Variants in CMTM3 observed in about 807,000 individuals in gnomAD.
CMTM3 encodes the protein CKLF-like MARVEL transmembrane domain-containing protein 3.
Under a neutral mutation model 18.2 loss-of-function variants are expected in CMTM3, and 7 were observed. The observed-to-expected ratio is 0.38, with a 90% CI of 0.22 to 0.72. The LOEUF (loss-of-function observed/expected upper bound fraction) is 0.72. CMTM3 is among the 30% of genes least tolerant of loss of function. The pLI, the probability that CMTM3 is intolerant of heterozygous loss-of-function variation, is 0.46. For missense variants in CMTM3, 227 were observed against 249.2 expected, an observed-to-expected ratio of 0.91 and a Z score of 0.60; for synonymous variants, 109 against 111.2, an observed-to-expected ratio of 0.98 and a Z score of 0.12.
chr16:66,610,110 A>G lies in CMTM3; in HGVS notation c.520+107A>G. 4.2e-6 allele frequency: 6 copies of G among 1,425,052 alleles called. No homozygotes were observed. Among genetic ancestry groups the G allele is most frequent in the South Asian group, 1.3e-5 (1 of 79,424 alleles). The allele number at this position is 1,425,052 out of a possible 1,614,324, so 88.3% of individuals were successfully genotyped here. On this transcript the variant is annotated intron_variant, in intron 4 of 4. Coordinates refer to ENST00000567572, the MANE Select transcript of CMTM3 (RefSeq NM_181553.4). This position sits in a 1 kb window ranked among gnomAD's most constrained non-coding sequence, Gnocchi z 4.6. ...GGGTGGGATCATTTCCTCTCTCCCC[A>G]TGGCAGGAAGTGTTTTCACAGCCCA...
Position 66,609,460 on chromosome 16 carries a change from C to A in CMTM3, c.329C>A (p.Ala110Asp). 1 of 1,612,996 alleles carries A rather than the reference C, an allele frequency of 6.2e-7. No homozygotes were observed. The highest frequency in any genetic ancestry group is 1.7e-5 in the Admixed American group (1 of 59,906). Residue 110 changes from alanine to aspartate, a missense_variant, in exon 3 of 5, where the codon GCC becomes GAC. Ala to Asp is a moderately radical substitution (Grantham distance 126). Transcript: ENST00000567572. This position sits in a 1 kb window ranked among gnomAD's most constrained non-coding sequence, Gnocchi z 4.4. ...MMDFLRCVTA[A>D]LIYFAISITA... The stretch of plus-strand genomic sequence containing the variant: ...GACTTCCTGCGCTGTGTCACCGCGG[C>A]CCTCATCTACTTTGCTATCTCCATC...
In CMTM3 at chr16:66,609,464, C is replaced by T. The variant is rs765724187; in HGVS notation, c.333C>T (p.Leu111=). The change falls in exon 3 of 5, where the codon CTC becomes CTT. Residue 111 remains leucine, a synonymous_variant. Transcript: ENST00000567572. This position sits in a 1 kb window ranked among gnomAD's most constrained non-coding sequence, Gnocchi z 4.4. Reference sequence around the variant, plus strand: ...TCCTGCGCTGTGTCACCGCGGCCCTCATCTACTTTGCTATCTCCATCACGG... The same window carrying T: ...TCCTGCGCTGTGTCACCGCGGCCCTTATCTACTTTGCTATCTCCATCACGG... ...MDFLRCVTAA[L]IYFAISITAI... is the part of the protein sequence containing the mutation. 1.8e-5 allele frequency: 29 copies of T among 1,612,928 alleles called. No individual in the cohort carries two copies. The highest frequency in any genetic ancestry group is 2.2e-5 in the Non-Finnish European group (26 of 1,179,648).
chr16:66,610,236 T>C lies in CMTM3; in HGVS notation c.520+233T>C, dbSNP rs2144750721. On this transcript the variant is annotated intron_variant, in intron 4 of 4. Coordinates refer to ENST00000567572, the MANE Select transcript of CMTM3 (RefSeq NM_181553.4). This position sits in a 1 kb window ranked among gnomAD's most constrained non-coding sequence, Gnocchi z 4.6. ...AGGAGGGGCAAGCAGTGGGCATGGC[T>C]GAGCCTCAGGCCAGGCCGGCAAGTC... 6.6e-6 allele frequency among the ~76,000 whole-genome samples: 1 copy of C among 152,272 alleles called. No homozygotes were observed. The highest frequency in any genetic ancestry group is 2.1e-4 in the South Asian group (1 of 4,826).
Position 66,607,076 on chromosome 16 carries a change from CAG to C in CMTM3, c.148-1230_148-1229del, listed in dbSNP as rs1339378580. Among the ~76,000 whole-genome samples, 4 of 152,214 alleles carry C rather than the reference CAG, an allele frequency of 2.6e-5. No individual in the cohort carries two copies. The East Asian group carries it at 5.8e-4, about 22-fold the overall frequency. On this transcript the variant is annotated intron_variant, in intron 1 of 4. Coordinates refer to ENST00000567572, the MANE Select transcript of CMTM3 (RefSeq NM_181553.4). The stretch of plus-strand genomic sequence containing the variant: ...TAGTAGCCTCTGATTAGCCATGTGA[CAG>C]AGTCTTCTCATCTGTCAAGTGGGGC...
chr16:66,609,605 G>A lies in CMTM3; in HGVS notation c.399+75G>A. 6.6e-7 allele frequency: 1 copy of A among 1,522,390 alleles called. No individual in the cohort carries two copies. Among genetic ancestry groups the A allele is most frequent in the Non-Finnish European group, 8.9e-7 (1 of 1,123,762 alleles). The allele number at this position is 1,522,390 out of a possible 1,614,324, so 94.3% of individuals were successfully genotyped here. On this transcript the variant is annotated intron_variant, in intron 3 of 4. Coordinates refer to ENST00000567572, the MANE Select transcript of CMTM3 (RefSeq NM_181553.4). This position sits in a 1 kb window ranked among gnomAD's most constrained non-coding sequence, Gnocchi z 4.4. ...CTCATTTAGGGTGGGACCTGGGGCA[G>A]AGCCTTTCCCTGCTGGGGCCCCCCT...
rs1431114505 is a variant in CMTM3, at chr16:66,612,746, G to A, written c.*109G>A. 1 of 1,096,454 alleles carries A rather than the reference G, an allele frequency of 9.1e-7. No individual in the cohort carries two copies. The highest frequency in any genetic ancestry group is 1.4e-5 in the South Asian group (1 of 72,494). The allele number at this position is 1,096,454 out of a possible 1,614,324, so 67.9% of individuals were successfully genotyped here. A position where few individuals can be genotyped will look rare whatever the true frequency, so the allele number is the denominator to read the frequency against. On this transcript the variant is annotated 3_prime_UTR_variant, in exon 5 of 5. Coordinates refer to ENST00000567572, the MANE Select transcript of CMTM3 (RefSeq NM_181553.4). The surrounding 1 kb of genome is among the most constrained non-coding windows in gnomAD (Gnocchi z 6.0). ...GCCTGGACTTCTGAGTTGCAGAGGGGGCTGCGGACACAGCAGGCCCCCTAC... is the reference window on the plus strand; with the variant it reads ...GCCTGGACTTCTGAGTTGCAGAGGGAGCTGCGGACACAGCAGGCCCCCTAC...
At chr16:66,606,675 C>A (rs532053354) in intron 1 of CMTM3, among the ~76,000 whole-genome samples, 12 of 152,302 alleles carry the variant, frequency 7.9e-5, no homozygotes, top group Non-Finnish European at 1.5e-4. Flanking sequence ...GCCTCCCCAA[C>A]ACCCACAGGG....
chr16:66,612,911 T>A lies in CMTM3; in HGVS notation c.*274T>A. 2 of 621,988 alleles carry A rather than the reference T, an allele frequency of 3.2e-6. No homozygotes were observed. Among genetic ancestry groups the A allele is most frequent in the South Asian group, 3.7e-5 (2 of 54,450 alleles). 38.5% of individuals were successfully genotyped at this position (621,988 alleles called of 1,614,324 possible). A position where few individuals can be genotyped will look rare whatever the true frequency, so the allele number is the denominator to read the frequency against. On this transcript the variant is annotated 3_prime_UTR_variant, in exon 5 of 5. Coordinates refer to ENST00000567572, the MANE Select transcript of CMTM3 (RefSeq NM_181553.4). This position sits in a 1 kb window ranked among gnomAD's most constrained non-coding sequence, Gnocchi z 6.0. ...CCCACAGGCCTTCAGCCCTTTAACG[T>A]CTCTGCCAAAAACCAGCACAAGGAG... is the stretch of plus-strand genomic sequence containing the variant.
At position 66,609,405 on chromosome 16, in the gene CMTM3, G is replaced by T. The variant is rs537078418; in HGVS notation, c.304-30G>T. 2.9e-5 allele frequency: 46 copies of T among 1,594,442 alleles called. No individual in the cohort carries two copies. Among genetic ancestry groups the T allele is most frequent in the Non-Finnish European group, 3.8e-5 (44 of 1,167,184 alleles). ...CCCCATGCTGTGCTCAGCTCCAGGG[G>T]CTCAGGGCAGCATGCCCCTCTCTCC... On this transcript the variant is annotated intron_variant, in intron 2 of 4. Transcript: ENST00000567572. The surrounding 1 kb of genome is among the most constrained non-coding windows in gnomAD (Gnocchi z 4.4).
Position 66,606,529 on chromosome 16 carries a change from T to C in CMTM3, c.147+1577T>C, listed in dbSNP as rs148890798. ...GGGGACCCCCTGGGATCCCTGCAGT[T>C]CATTTGTCTGAAGCAGCCACAGTGC... On this transcript the variant is annotated intron_variant, in intron 1 of 4. Coordinates refer to ENST00000567572, the MANE Select transcript of CMTM3 (RefSeq NM_181553.4). 2.0e-5 allele frequency among the ~76,000 whole-genome samples: 3 copies of C among 152,152 alleles called. No individual in the cohort carries two copies. The East Asian group carries it at 5.8e-4, about 30-fold the overall frequency.
At chr16:66,604,559 G>GA (rs1312367845), upstream of CMTM3, 4 of 316,096 alleles carry the variant, frequency 1.3e-5, no homozygotes, top group African/African-American at 8.8e-5. Context: ...GAAGAAGGTG[G>GA]AGTCTGCGGA....
In CMTM3 at chr16:66,609,156, C is replaced by A. The variant is rs1474974797; in HGVS notation, c.304-279C>A. Among the ~76,000 whole-genome samples the A allele has an allele frequency of 6.6e-6, 1 of 151,726 alleles. No individual in the cohort carries two copies. The highest frequency in any genetic ancestry group is 1.5e-5 in the Non-Finnish European group (1 of 67,896). ...GTGTTTCCAACTTCTGCTTCCACCGCATCGCAGGGCAGGCTGCACCCTGAT... is the reference window on the plus strand; with the variant it reads ...GTGTTTCCAACTTCTGCTTCCACCGAATCGCAGGGCAGGCTGCACCCTGAT... On this transcript the variant is annotated intron_variant, in intron 2 of 4. Transcript: ENST00000567572. This position sits in a 1 kb window ranked among gnomAD's most constrained non-coding sequence, Gnocchi z 4.4.
intron 4 of CMTM3, among the ~76,000 whole-genome samples, chr16:66,611,366 T>A (rs940226418): frequency 9.9e-5 from 15 of 151,706 alleles, no homozygotes; most frequent in South Asian, 2.1e-4. Flanking sequence ...GGCAGGAGAA[T>A]CACCTATGGG....
chr16:66,609,579 CCT>C lies in CMTM3; in HGVS notation c.399+51_399+52del. On this transcript the variant is annotated intron_variant, in intron 3 of 4. Transcript: ENST00000567572. This position sits in a 1 kb window ranked among gnomAD's most constrained non-coding sequence, Gnocchi z 4.4. ...GGAAACTGCAGATGCCCCTCTAGCC[CCT>C]CATTTAGGGTGGGACCTGGGGCAGA... is the stretch of plus-strand genomic sequence containing the variant. The C allele has an allele frequency of 6.5e-7, 1 of 1,543,732 alleles. No homozygotes were observed.
In CMTM3 at chr16:66,609,275, G is replaced by A. The variant is rs146088650; in HGVS notation, c.304-160G>A. On this transcript the variant is annotated intron_variant, in intron 2 of 4. Coordinates refer to ENST00000567572, the MANE Select transcript of CMTM3 (RefSeq NM_181553.4). This position sits in a 1 kb window ranked among gnomAD's most constrained non-coding sequence, Gnocchi z 4.4. ...GCTGGCAAGGCAGCAGAGGCACCTC[G>A]GGGGTGGGACAAGGGCCTAGGCATG... 15,415 of 624,922 alleles carry A rather than the reference G, an allele frequency of 0.025. 231 individuals carry two copies. Among genetic ancestry groups the A allele is most frequent in the Non-Finnish European group, 0.031 (10,947 of 357,540 alleles). The allele number at this position is 624,922 out of a possible 1,614,324, so 38.7% of individuals were successfully genotyped here. A position where few individuals can be genotyped will look rare whatever the true frequency, so the allele number is the denominator to read the frequency against.
At chr16:66,604,548 A>G (rs921392552), upstream of CMTM3, 5 of 298,684 alleles carry the variant, frequency 1.7e-5, no homozygotes, top group Admixed American at 2.1e-4. Context: ...ACCAGGGTGA[A>G]GAAGAAGGTG....
At chr16:66,607,464 A>C (rs1424363238) in intron 1 of CMTM3, among the ~76,000 whole-genome samples, 1 of 152,158 alleles carries the variant, frequency 6.6e-6, no homozygotes, top group Non-Finnish European at 1.5e-5. Flanking sequence ...ACTCCAAAAG[A>C]TTTTTTTGCT....
intron 1 of CMTM3, among the ~76,000 whole-genome samples, chr16:66,606,758 C>T (rs1160409937): frequency 2.6e-5 from 4 of 152,124 alleles, no homozygotes; most frequent in Admixed American, 6.5e-5. Context: ...TTTAGGAGGC[C>T]GAGGTGGGTG....
chr16:66,608,483 G>A lies in CMTM3; in HGVS notation c.303+19G>A. On this transcript the variant is annotated intron_variant, in intron 2 of 4. Coordinates refer to ENST00000567572, the MANE Select transcript of CMTM3 (RefSeq NM_181553.4). The surrounding 1 kb of genome is among the most constrained non-coding windows in gnomAD (Gnocchi z 5.1). Reference sequence around the variant, plus strand: ...CATGATGGTGAGGACAGGGGCCCCAGGAGGGAGGGGTGCCCTGCACAAAGT... The same window carrying A: ...CATGATGGTGAGGACAGGGGCCCCAAGAGGGAGGGGTGCCCTGCACAAAGT... 1 of 1,612,454 alleles carries A rather than the reference G, an allele frequency of 6.2e-7. No individual in the cohort carries two copies. The highest frequency in any genetic ancestry group is 8.5e-7 in the Non-Finnish European group (1 of 1,179,914).
Sources: gnomAD v4.1 joint callset for allele counts (sites outside exome capture counted in the v4.1 genomes callset) on GRCh38, gnomAD v4.1.1 for gene constraint, Gnocchi (gnomAD v3.1) non-coding constraint, MANE v1.5 for transcripts, NCBI Gene and HGNC (gene_info 2026-07-23, HGNC 2026-07-21) for gene names.